USP37: variants seen among roughly 807,000 people sequenced by gnomAD.
USP37 encodes the protein ubiquitin specific peptidase 37.
In USP37, 27 loss-of-function variants were observed where a neutral mutation model predicts 124.0. The observed-to-expected ratio is 0.22, with a 90% CI of 0.16 to 0.30. The LOEUF is 0.30. USP37 is among the 10% of genes least tolerant of loss of function. The pLI, the probability that USP37 is intolerant of heterozygous loss-of-function variation, is 1.00. For missense variants in USP37, 889 were observed against 1,140.4 expected, an observed-to-expected ratio of 0.78 and a Z score of 3.17; for synonymous variants, 365 against 388.0, an observed-to-expected ratio of 0.94 and a Z score of 0.70.
chr2:218,546,947 G>A lies in USP37; in HGVS notation c.574C>T (p.Pro192Ser). 1.9e-6 allele frequency: 3 copies of A among 1,612,480 alleles called. No homozygotes were observed. The highest frequency in any genetic ancestry group is 2.5e-6 in the Non-Finnish European group (3 of 1,179,610). Residue 192 changes from proline to serine, a missense_variant, in exon 7 of 26, where the codon CCT (proline) becomes TCT (serine). Around this residue, in one of 3 missense-constraint regions of USP37, gnomAD observed 374 missense variants for 386.0 expected, o/e 0.97. Coordinates refer to ENST00000258399, the MANE Select transcript of USP37 (RefSeq NM_020935.3). ...TTTTCTAGCAACCCTGATCTAAGAG[G>A]TGTTGAAGTAGATGTCAAAGAAGGA... ...TIPSLTSTST[P>S]LRSGLLENRT...
intron 8 of USP37, among the ~76,000 whole-genome samples, chr2:218,542,193 A>G (rs1184939652): frequency 1.3e-5 from 2 of 152,176 alleles, no homozygotes; most frequent in East Asian, 3.8e-4. Flanking sequence ...TGTCTCCTCT[A>G]TAAGCACTGC....
rs1164133546 is a variant in USP37 at position 218,452,086 on chromosome 2, G to A, written c.*2844C>T. 6.6e-6 allele frequency: 1 copy of A among 152,482 alleles called. No homozygotes were observed. Among genetic ancestry groups the A allele is most frequent in the African/African-American group, 2.4e-5 (1 of 41,410 alleles). The allele number at this position is 152,482 out of a possible 1,614,324, so 9.4% of individuals were successfully genotyped here. Reference sequence around the variant, plus strand: ...ACTTTCCAACCTTCAGTACTATTAGGTGATTAAAATCAACAAATATGAAGT... The same window carrying A: ...ACTTTCCAACCTTCAGTACTATTAGATGATTAAAATCAACAAATATGAAGT... On this transcript the variant is annotated 3_prime_UTR_variant, in exon 26 of 26. Coordinates refer to ENST00000258399, the MANE Select transcript of USP37 (RefSeq NM_020935.3).
intron 20 of USP37, among the ~76,000 whole-genome samples, chr2:218,470,555 T>A (rs1201959510): frequency 6.6e-6 from 1 of 152,258 alleles, no homozygotes; most frequent in Non-Finnish European, 1.5e-5. Context: ...TCCAAATTCC[T>A]AAACATGGCT....
chr2:218,482,086 T>A lies in USP37; in HGVS notation c.1819A>T (p.Ser607Cys), dbSNP rs748510087. 6.2e-7 allele frequency: 1 copy of A among 1,612,518 alleles called. No homozygotes were observed. Among genetic ancestry groups the A allele is most frequent in the Non-Finnish European group, 8.5e-7 (1 of 1,178,946 alleles). The stretch of plus-strand genomic sequence containing the variant: ...AGGACTTACATTGCCATATGTGCAC[T>A]CCAACCAAGGGTAAAAGGTGGTTTT... ...NTKPPFTLGW[S>C]AHMAISRPLK... Residue 607 changes from serine to cysteine, a missense_variant, in exon 17 of 26, where the codon AGT becomes TGT. Around this residue, in one of 3 missense-constraint regions of USP37, gnomAD observed 504 missense variants for 714.3 expected, o/e 0.71. Transcript: ENST00000258399.
rs759064878 is a variant in USP37, at chr2:218,558,582, T to G, written c.72A>C (p.Glu24Asp). The G allele has an allele frequency of 1.2e-6, 2 of 1,613,636 alleles. No individual in the cohort carries two copies. The highest frequency in any genetic ancestry group is 3.3e-5 in the Admixed American group (2 of 60,022). Residue 24 changes from glutamate to aspartate, a missense_variant, in exon 4 of 26, where the codon GAA (glutamate) becomes GAC (aspartate). Physicochemically the swap from Glu to Asp is conservative, Grantham distance 45. This residue lies in a region of USP37 where 374 missense variants were observed against 386.0 expected (regional missense o/e 0.97). Transcript: ENST00000258399. ...CTTTTTCTACAATTTCAAAGGATCC[T>G]TCTTTCCACTTTGTAATCCCAGTCT... ...SMQTGITKWK[E>D]GSFEIVEKEN...
chr2:218,567,825 G>C (rs1434731538), intron 1 of USP37, among the ~76,000 whole-genome samples: 1 of 152,194 alleles, frequency 6.6e-6, no homozygotes, highest in African/African-American at 2.4e-5. Flanking sequence ...GAGAGTGAAT[G>C]AGTATCATGT....
At chr2:218,455,785 C>T (rs1376517422) in intron 24 of USP37, 67 bp from the exon 25 acceptor site, 31 of 1,526,502 alleles carry the variant, frequency 2.0e-5, no homozygotes, top group East Asian at 1.9e-4. Flanking sequence ...CGATGGCTCA[C>T]GCCTGTAATC....
At chr2:218,481,379 G>A (rs711186) in intron 17 of USP37, among the ~76,000 whole-genome samples, 92,040 of 151,918 alleles carry the variant, frequency 0.61, 28,082 homozygotes, top group East Asian at 0.78. Flanking sequence ...ATTCCTAAGC[G>A]CCTATCTCAG....
At chr2:218,526,784 G>GTTTTTTT (rs1491291222) in intron 10 of USP37, among the ~76,000 whole-genome samples, 1 of 54,186 alleles carries the variant, frequency 1.8e-5, no homozygotes, top group African/African-American at 8.2e-5. Flanking sequence ...CATTTCATTT[G>GTTTTTTT]CTTTTTTTTT....
At chr2:218,526,785 C>CTTTT (rs71064454) in intron 10 of USP37, among the ~76,000 whole-genome samples, 857 of 75,898 alleles carry the variant, frequency 0.011, 64 homozygotes, top group African/African-American at 0.029. Flanking sequence ...ATTTCATTTG[C>CTTTT]TTTTTTTTTT....
intron 11 of USP37, among the ~76,000 whole-genome samples, chr2:218,507,000 G>C (rs899584348): frequency 6.6e-6 from 1 of 151,818 alleles, no homozygotes; most frequent in Non-Finnish European, 1.5e-5. Flanking sequence ...GGTTCATCAT[G>C]TTGGCCAGGT....
chr2:218,528,841 AGAGCTTATCTATAGAATTGGCAATT>A, intron 10 of USP37: 1 of 353,342 alleles, frequency 2.8e-6, no homozygotes, highest in Non-Finnish European at 4.8e-6. Flanking sequence ...AAAAAAAAAA[AGAGCTTATCTATAGAATTGGCAATT>A]AAATATCCAA....
intron 11 of USP37, among the ~76,000 whole-genome samples, chr2:218,507,165 T>C (rs993769449): frequency 1.3e-5 from 2 of 152,000 alleles, no homozygotes; most frequent in African/African-American, 4.8e-5. Context: ...TATTTATTTA[T>C]TTATTTGTTT....
At chr2:218,529,438 C>T (rs1477548463) in intron 10 of USP37, among the ~76,000 whole-genome samples, 1 of 147,174 alleles carries the variant, frequency 6.8e-6, no homozygotes, top group East Asian at 2.0e-4. Context: ...CCACTGTACT[C>T]TATCCAGCCT....
chr2:218,516,893 T>G (rs938062926), intron 10 of USP37, among the ~76,000 whole-genome samples: 2 of 152,182 alleles, frequency 1.3e-5, no homozygotes, highest in African/African-American at 4.8e-5. Context: ...TATAAAACCT[T>G]GAGTTCATAT....
rs941646001 is a variant in USP37, at chr2:218,453,147, T to C, written c.*1783A>G. 1 of 152,186 alleles carries C rather than the reference T, an allele frequency of 6.6e-6. No individual in the cohort carries two copies. Among genetic ancestry groups the C allele is most frequent in the East Asian group, 1.9e-4 (1 of 5,190 alleles). 9.4% of individuals were successfully genotyped at this position (152,186 alleles called of 1,614,324 possible). A position where few individuals can be genotyped will look rare whatever the true frequency, so the allele number is the denominator to read the frequency against. On this transcript the variant is annotated 3_prime_UTR_variant, in exon 26 of 26. Transcript: ENST00000258399. ...TTCAAAGAATGAAAACTTAGAATAG[T>C]TTACTACATTAGAATACATCCAAGT...
At chr2:218,508,913 CT>C (rs1305421151) in intron 11 of USP37, among the ~76,000 whole-genome samples, 1 of 152,132 alleles carries the variant, frequency 6.6e-6, no homozygotes, top group Non-Finnish European at 1.5e-5. Context: ...AAAAGCAGTA[CT>C]TTGAGTGAGA....
At chr2:218,563,730 TGAA>T (rs1226138320) in intron 1 of USP37, among the ~76,000 whole-genome samples, 1 of 152,122 alleles carries the variant, frequency 6.6e-6, no homozygotes, top group Non-Finnish European at 1.5e-5. Context: ...CATATAGATG[TGAA>T]GATGATACAG....
chr2:218,487,481 C>T (rs997766377), intron 15 of USP37, among the ~76,000 whole-genome samples: 3 of 151,924 alleles, frequency 2.0e-5, no homozygotes, highest in African/African-American at 4.8e-5. Context: ...AGTGCAGTGG[C>T]GTGATCTTGG....
Sources: gnomAD v4.1 joint callset for allele counts (sites outside exome capture counted in the v4.1 genomes callset) on GRCh38, gnomAD v4.1.1 for gene constraint, gnomAD v4.1.1 regional missense constraint, MANE v1.5 for transcripts, NCBI Gene and HGNC (gene_info 2026-07-23, HGNC 2026-07-21) for gene names.